DTNA: variants seen among roughly 807,000 people sequenced by gnomAD.
The protein encoded by DTNA is dystrophin-related protein 3.
Under a neutral mutation model 100.7 loss-of-function variants are expected in DTNA, and 43 were observed. That is an observed-to-expected ratio of 0.43 (90% CI 0.33 to 0.55). The LOEUF (loss-of-function observed/expected upper bound fraction) is 0.55, where lower values mean the gene tolerates loss of function less well. DTNA is among the 20% of genes least tolerant of loss of function. The pLI, the probability that DTNA is intolerant of heterozygous loss-of-function variation, is 0.04. For synonymous variants in DTNA, 349 were observed against 347.9 expected, an observed-to-expected ratio of 1.00 and a Z score of -0.04; for missense variants, 798 against 953.9, an observed-to-expected ratio of 0.84 and a Z score of 2.15.
intron 1 of DTNA, among the ~76,000 whole-genome samples, chr18:34,650,310 G>C (rs1244270893): frequency 3.3e-5 from 5 of 152,044 alleles, no homozygotes; most frequent in Non-Finnish European, 2.9e-5. Flanking sequence ...CCATGAGTCA[G>C]ATGAACTCTT....
At chr18:34,726,280 G>C (rs2086671744) in intron 1 of DTNA, among the ~76,000 whole-genome samples, 1 of 151,734 alleles carries the variant, frequency 6.6e-6, no homozygotes, top group South Asian at 2.1e-4. Context: ...AGATTTGGAG[G>C]GATCAGAATA....
chr18:34,508,706 C>G (rs1409557929), intron 1 of DTNA, among the ~76,000 whole-genome samples: 1 of 152,098 alleles, frequency 6.6e-6, no homozygotes, highest in Non-Finnish European at 1.5e-5. Context: ...TTTCAACTAG[C>G]AATTTGCTAA....
chr18:34,547,161 AAG>A (rs766773346), intron 1 of DTNA, among the ~76,000 whole-genome samples: 47 of 152,146 alleles, frequency 3.1e-4, no homozygotes, highest in Non-Finnish European at 4.7e-4. Context: ...AATTTTTTGA[AAG>A]AAATTATTTT....
At chr18:34,629,284 GT>G (rs1234934986) in intron 1 of DTNA, among the ~76,000 whole-genome samples, 1 of 152,114 alleles carries the variant, frequency 6.6e-6, no homozygotes, top group East Asian at 1.9e-4. Context: ...GGCTTAAAAG[GT>G]CTTTCAACTA....
At chr18:34,811,613 C>T (rs1433778992) in intron 5 of DTNA, among the ~76,000 whole-genome samples, 1 of 152,150 alleles carries the variant, frequency 6.6e-6, no homozygotes. Flanking sequence ...CAGCGTCTCT[C>T]TCATATATAC....
At position 34,792,837 on chromosome 18, in the gene DTNA, T is replaced by G. The variant is rs2094808053; in HGVS notation, c.149-1200T>G. 3.3e-5 allele frequency among the ~76,000 whole-genome samples: 5 copies of G among 152,224 alleles called. No homozygotes were observed. In the South Asian group the frequency reaches 1.0e-3, roughly 32 times the overall value. On this transcript the variant is annotated intron_variant, in intron 3 of 22. Coordinates refer to ENST00000444659, the MANE Select transcript of DTNA (RefSeq NM_001386795.1). ...TACTTAATATTTTTAATGATTTTAATATTTTGAATCCCTCATTGTCTAAGA... is the reference window on the plus strand; with the variant it reads ...TACTTAATATTTTTAATGATTTTAAGATTTTGAATCCCTCATTGTCTAAGA...
chr18:34,640,548 C>T (rs2059162221), intron 1 of DTNA, among the ~76,000 whole-genome samples: 1 of 152,210 alleles, frequency 6.6e-6, no homozygotes, highest in Non-Finnish European at 1.5e-5. Flanking sequence ...CTTATTTGTT[C>T]ATTCATCCTA....
intron 1 of DTNA, among the ~76,000 whole-genome samples, chr18:34,724,157 A>G (rs1166488299): frequency 6.6e-6 from 1 of 152,238 alleles, no homozygotes; most frequent in Non-Finnish European, 1.5e-5. Flanking sequence ...AATTTGGCAT[A>G]TCAGTATGTA....
intron 1 of DTNA, among the ~76,000 whole-genome samples, chr18:34,498,442 TATA>T (rs58997432): frequency 0.12 from 17,192 of 141,708 alleles, 1,044 homozygotes; most frequent in East Asian, 0.14. Context: ...CAGAAAATAA[TATA>T]ATAATAATAA....
chr18:34,674,547 C>T (rs2077166904), intron 1 of DTNA, among the ~76,000 whole-genome samples: 1 of 152,122 alleles, frequency 6.6e-6, no homozygotes, highest in African/African-American at 2.4e-5. Flanking sequence ...AGTCCAAGGG[C>T]CATGATTCCA....
intron 1 of DTNA, among the ~76,000 whole-genome samples, chr18:34,567,565 T>C (rs758524680): frequency 6.6e-5 from 10 of 152,182 alleles, no homozygotes; most frequent in African/African-American, 1.2e-4. Context: ...ATACAAAATC[T>C]GATTATATAA....
In DTNA at chr18:34,840,122, T is replaced by C. The variant is rs981981342; in HGVS notation, c.1346+1285T>C. On this transcript the variant is annotated intron_variant, in intron 13 of 22. Coordinates refer to ENST00000444659, the MANE Select transcript of DTNA (RefSeq NM_001386795.1). ...ATTTATGTGCTTTAGTACATACATGTATCTTAATTTGTATTTTTAAAAATG... is the reference window on the plus strand; with the variant it reads ...ATTTATGTGCTTTAGTACATACATGCATCTTAATTTGTATTTTTAAAAATG... Among the ~76,000 whole-genome samples the C allele has an allele frequency of 2.0e-5, 3 of 152,202 alleles. 1 individual carries two copies. The highest frequency in any genetic ancestry group is 4.4e-5 in the Non-Finnish European group (3 of 68,030).
intron 1 of DTNA, among the ~76,000 whole-genome samples, chr18:34,726,025 A>C (rs1212066437): frequency 6.6e-6 from 1 of 152,154 alleles, no homozygotes; most frequent in African/African-American, 2.4e-5. Flanking sequence ...GCATGTTCTC[A>C]CTCATAAGTG....
chr18:34,563,717 GT>G (rs1339770282), intron 1 of DTNA, among the ~76,000 whole-genome samples: 2 of 152,116 alleles, frequency 1.3e-5, no homozygotes, highest in African/African-American at 4.8e-5. Context: ...TATTCAAGGT[GT>G]ACAAAGTGAT....
At chr18:34,628,370 A>G (rs1006320666) in intron 1 of DTNA, among the ~76,000 whole-genome samples, 12 of 152,272 alleles carry the variant, frequency 7.9e-5, no homozygotes, top group African/African-American at 2.9e-4. Flanking sequence ...TTCATGTGAC[A>G]CAGTGATTTC....
intron 2 of DTNA, among the ~76,000 whole-genome samples, chr18:34,764,850 ATC>A (rs971408332): frequency 2.6e-5 from 4 of 152,242 alleles, no homozygotes; most frequent in Non-Finnish European, 5.9e-5. Context: ...ATGCCTTTAT[ATC>A]TGTTATGGAC....
At chr18:34,553,225 G>A (rs1451887916) in intron 1 of DTNA, among the ~76,000 whole-genome samples, 1 of 146,184 alleles carries the variant, frequency 6.8e-6, no homozygotes, top group African/African-American at 2.5e-5. Flanking sequence ...TGATGGGGTT[G>A]TTTGTTTTTT....
chr18:34,579,573 C>T (rs1267389699), intron 1 of DTNA, among the ~76,000 whole-genome samples: 1 of 152,164 alleles, frequency 6.6e-6, no homozygotes, highest in Non-Finnish European at 1.5e-5. Context: ...TTAAGAGTTG[C>T]TTTCCTTCAA....
intron 2 of DTNA, among the ~76,000 whole-genome samples, chr18:34,762,428 C>G (rs1362546382): frequency 1.3e-5 from 2 of 152,166 alleles, no homozygotes; most frequent in Admixed American, 1.3e-4. Flanking sequence ...CTGGAAGGCT[C>G]TGTTTGTGGA....
Sources: gnomAD v4.1 joint callset for allele counts (sites outside exome capture counted in the v4.1 genomes callset) on GRCh38, gnomAD v4.1.1 for gene constraint, MANE v1.5 for transcripts, NCBI Gene and HGNC (gene_info 2026-07-23, HGNC 2026-07-21) for gene names.